The following NAALADL2 variants were observed in gnomAD, a reference collection of about 807,000 sequenced individuals.
The protein encoded by NAALADL2 is N-acetylated alpha-linked acidic dipeptidase like 2, also known as inactive N-acetylated-alpha-linked acidic dipeptidase-like protein 2.
NAALADL2 carries 76 observed loss-of-function variants against 87.2 expected under a neutral mutation model. That is an observed-to-expected ratio of 0.87 (90% CI 0.72 to 1.05). The LOEUF (loss-of-function observed/expected upper bound fraction) is 1.05. Among genes scored for constraint, NAALADL2 ranks in the 50% least tolerant of loss-of-function variants. NAALADL2 has a pLI of 0.00. For missense variants in NAALADL2, 1,089 were observed against 945.8 expected, an observed-to-expected ratio of 1.15 and a Z score of -1.99; for synonymous variants, 354 against 331.0, an observed-to-expected ratio of 1.07 and a Z score of -0.75.
chr3:174,592,025 T>G (rs1639557602), intron 2 of NAALADL2, among the ~76,000 whole-genome samples: 1 of 152,100 alleles, frequency 6.6e-6, no homozygotes, highest in African/African-American at 2.4e-5. Context: ...GCTTAAGAAG[T>G]GTCATACGTG....
intron 3 of NAALADL2, among the ~76,000 whole-genome samples, chr3:174,818,952 T>A (rs1374060838): frequency 1.3e-5 from 2 of 152,026 alleles, no homozygotes; most frequent in Non-Finnish European, 2.9e-5. Context: ...AAAAGATTCT[T>A]TTCTATTTTT....
At chr3:175,528,558 C>T (rs1324076124) in intron 9 of NAALADL2, among the ~76,000 whole-genome samples, 2 of 152,094 alleles carry the variant, frequency 1.3e-5, no homozygotes, top group African/African-American at 2.4e-5. Context: ...CAAGTTGACA[C>T]TCAGTATTAA....
intron 5 of NAALADL2, among the ~76,000 whole-genome samples, chr3:175,392,007 C>T (rs1769138800): frequency 6.6e-6 from 1 of 152,172 alleles, no homozygotes; most frequent in African/African-American, 2.4e-5. Flanking sequence ...TCATTCTCTC[C>T]ATTTTACGAA....
chr3:175,300,152 G>A (rs1756872714), intron 4 of NAALADL2, among the ~76,000 whole-genome samples: 1 of 152,126 alleles, frequency 6.6e-6, no homozygotes, highest in Admixed American at 6.5e-5. Context: ...TGATCGTGGT[G>A]GATAAGCTTT....
At chr3:174,589,696 C>A (rs1054566757) in intron 2 of NAALADL2, among the ~76,000 whole-genome samples, 1 of 151,992 alleles carries the variant, frequency 6.6e-6, no homozygotes, top group Non-Finnish European at 1.5e-5. Flanking sequence ...TAGGGAGAGC[C>A]AATAAACAGC....
intron 2 of NAALADL2, among the ~76,000 whole-genome samples, chr3:175,191,630 G>T (rs1414347859): frequency 6.6e-6 from 1 of 152,150 alleles, no homozygotes; most frequent in Non-Finnish European, 1.5e-5. Flanking sequence ...CTCTGTCAAG[G>T]ATATTAGGAG....
At chr3:175,163,249 C>G (rs73176792) in intron 2 of NAALADL2, among the ~76,000 whole-genome samples, 2,185 of 152,084 alleles carry the variant, frequency 0.014, 20 homozygotes, top group Non-Finnish European at 0.02. Flanking sequence ...AAAGTTTACC[C>G]TGACACAAAG....
chr3:174,613,175 C>G (rs1381922201), intron 2 of NAALADL2, among the ~76,000 whole-genome samples: 1 of 152,200 alleles, frequency 6.6e-6, no homozygotes, highest in East Asian at 1.9e-4. Flanking sequence ...CTGCCTGGAG[C>G]TGGGAGTGGA....
intron 2 of NAALADL2, among the ~76,000 whole-genome samples, chr3:174,642,767 TATATATATATATATATATATATG>T (rs1417911804): frequency 0.021 from 814 of 38,516 alleles, 17 homozygotes; most frequent in African/African-American, 0.098. Context: ...TATATATATA[TATATATATATATATATATATATG>T]TTTTTTTTCA....
intron 1 of NAALADL2, among the ~76,000 whole-genome samples, chr3:174,950,450 T>G (rs1207365148): frequency 6.6e-6 from 1 of 152,124 alleles, no homozygotes; most frequent in Non-Finnish European, 1.5e-5. Flanking sequence ...ATATACATGA[T>G]TCTATTCATC....
intron 1 of NAALADL2, among the ~76,000 whole-genome samples, chr3:175,039,370 A>G (rs1352214804): frequency 6.6e-6 from 1 of 151,992 alleles, no homozygotes; most frequent in Non-Finnish European, 1.5e-5. Context: ...TTTTTACCAT[A>G]TTGGCCAGGC....
At chr3:174,591,200 C>T (rs1326342858) in intron 2 of NAALADL2, among the ~76,000 whole-genome samples, 1 of 152,168 alleles carries the variant, frequency 6.6e-6, no homozygotes, top group Non-Finnish European at 1.5e-5. Flanking sequence ...TTCCAATGGT[C>T]TTCTGACAAT....
At chr3:174,676,680 A>C (rs1005443772) in intron 2 of NAALADL2, among the ~76,000 whole-genome samples, 3 of 151,910 alleles carry the variant, frequency 2.0e-5, no homozygotes, top group African/African-American at 7.2e-5. Context: ...TAAACTTTAC[A>C]TCACAAAATA....
At position 174,748,645 on chromosome 3, in the gene NAALADL2, C is replaced by T. The variant is rs868416444; in HGVS notation, c.-9+10899C>T. ...AGATGCCAGCATTGTTTTGTGTTTT[C>T]GGTAGTTTCATAAAATGTTACGAGA... On this transcript the variant is annotated intron_variant, in intron 3 of 3. Transcript: ENST00000434257. Among the ~76,000 whole-genome samples, 13 of 152,184 alleles carry T rather than the reference C, an allele frequency of 8.5e-5. No homozygotes were observed. In the South Asian group the frequency reaches 1.2e-3, roughly 15 times the overall value.
upstream of NAALADL2, among the ~76,000 whole-genome samples, chr3:174,858,978 C>T (rs546634467): frequency 2.6e-5 from 4 of 152,018 alleles, no homozygotes; most frequent in East Asian, 3.9e-4. Flanking sequence ...AAATAAATGT[C>T]GTGTAATACA....
chr3:174,548,614 G>A (rs775064420), intron 1 of NAALADL2, among the ~76,000 whole-genome samples: 27 of 152,060 alleles, frequency 1.8e-4, no homozygotes, highest in Non-Finnish European at 3.4e-4. Flanking sequence ...GTGTTGTTTG[G>A]TTCTTCCCTA....
chr3:175,336,127 C>CTT (rs11368865), intron 5 of NAALADL2, among the ~76,000 whole-genome samples: 1,902 of 151,338 alleles, frequency 0.013, 29 homozygotes, highest in African/African-American at 0.042. Flanking sequence ...TCTGAAGCTT[C>CTT]TTTTTTTTTC....
chr3:174,526,693 T>C (rs78854377), intron 1 of NAALADL2, among the ~76,000 whole-genome samples: 1 of 141,608 alleles, frequency 7.1e-6, no homozygotes, highest in African/African-American at 2.7e-5. Context: ...TTTTTTTTTT[T>C]GAGATGGAGT....
chr3:175,415,134 A>G (rs375393072), intron 5 of NAALADL2, among the ~76,000 whole-genome samples: 9 of 152,328 alleles, frequency 5.9e-5, no homozygotes, highest in Middle Eastern at 3.4e-3. Context: ...TAATAGTAAA[A>G]TAAAAAGAAA....
Sources: gnomAD v4.1 joint callset for allele counts (sites outside exome capture counted in the v4.1 genomes callset) on GRCh38, gnomAD v4.1.1 for gene constraint, MANE v1.5 for transcripts, NCBI Gene and HGNC (gene_info 2026-07-23, HGNC 2026-07-21) for gene names.